Variants in ANGPT1 observed in about 807,000 individuals in gnomAD.
ANGPT1 encodes angiopoietin 1, also known as angiopoietin-1.
Under a neutral mutation model 62.2 loss-of-function variants are expected in ANGPT1, and 17 were observed. The observed-to-expected ratio is 0.27, with a 90% CI of 0.19 to 0.41. The LOEUF (loss-of-function observed/expected upper bound fraction) is 0.41, where lower values mean the gene tolerates loss of function less well. Ranked by LOEUF, ANGPT1 falls within the 10% of genes least tolerant of loss-of-function variation. ANGPT1 has a pLI of 1.00. For synonymous variants in ANGPT1, 199 were observed against 198.9 expected (o/e 1.00, Z 0.00); for missense variants, 478 against 594.9 (o/e 0.80, Z 2.04).
intron 1 of ANGPT1, among the ~76,000 whole-genome samples, chr8:107,416,097 A>T (rs192520785): frequency 6.6e-6 from 1 of 152,138 alleles, no homozygotes; most frequent in African/African-American, 2.4e-5. Flanking sequence ...CAATCAATCA[A>T]TCAATTCTGC....
In ANGPT1 at chr8:107,264,243, T is replaced by C. The variant is rs1169426289; in HGVS notation, c.1314A>G (p.Lys438=). The part of the protein sequence containing the change: ...KDADNDNCMC[K]CALMLTGGWW... ...TACCTCCTGTTAACATGAGGGCACA[T>C]TTGCACATACAGTTGTCATTATCAG... The change falls in exon 8 of 9, where the codon AAA becomes AAG. Residue 438 remains lysine (K), a synonymous_variant. Transcript: ENST00000517746. 3.7e-6 allele frequency: 6 copies of C among 1,613,728 alleles called. No homozygotes were observed. The highest frequency in any genetic ancestry group is 1.1e-5 in the South Asian group (1 of 91,022).
chr8:107,298,921 TAC>T (rs1309445074), intron 5 of ANGPT1, among the ~76,000 whole-genome samples: 3 of 151,836 alleles, frequency 2.0e-5, no homozygotes, highest in African/African-American at 7.2e-5. Context: ...ACTTCCTGTT[TAC>T]AATGTACAGT....
chr8:107,458,464 G>A (rs1192802652), intron 1 of ANGPT1, among the ~76,000 whole-genome samples: 1 of 152,076 alleles, frequency 6.6e-6, no homozygotes. Context: ...AAGAGTAGAA[G>A]TATACTAAAG....
At chr8:107,390,955 A>G (rs1256559322) in intron 1 of ANGPT1, among the ~76,000 whole-genome samples, 1 of 152,128 alleles carries the variant, frequency 6.6e-6, no homozygotes, top group African/African-American at 2.4e-5. Context: ...TCCATTATTA[A>G]ATAACTCCAT....
At chr8:107,377,924 A>G (rs970931422) in intron 1 of ANGPT1, among the ~76,000 whole-genome samples, 1 of 65,612 alleles carries the variant, frequency 1.5e-5, no homozygotes, top group African/African-American at 3.6e-5. Context: ...TATTGTCATG[A>G]AAAAAAAACA....
chr8:107,459,174 C>T (rs1812000055), intron 1 of ANGPT1, among the ~76,000 whole-genome samples: 1 of 152,100 alleles, frequency 6.6e-6, no homozygotes, highest in African/African-American at 2.4e-5. Context: ...AAGGAGTAAA[C>T]TTGTCCAAGA....
chr8:107,357,050 G>A (rs975805742), intron 1 of ANGPT1, among the ~76,000 whole-genome samples: 2 of 152,024 alleles, frequency 1.3e-5, no homozygotes, highest in Admixed American at 6.6e-5. Flanking sequence ...ACCTACATGT[G>A]TCCAGTTCTA....
At chr8:107,394,445 A>G (rs765723972) in intron 1 of ANGPT1, among the ~76,000 whole-genome samples, 3 of 152,184 alleles carry the variant, frequency 2.0e-5, no homozygotes, top group Non-Finnish European at 2.9e-5. Context: ...CAGCACAGTG[A>G]TCTATTGAAA....
At chr8:107,253,928 T>C (rs1053584059) in intron 8 of ANGPT1, among the ~76,000 whole-genome samples, 23 of 152,112 alleles carry the variant, frequency 1.5e-4, no homozygotes, top group South Asian at 4.1e-4. Context: ...TTTGGAGACA[T>C]TGAAGGAAGG....
intron 1 of ANGPT1, among the ~76,000 whole-genome samples, chr8:107,480,153 G>A (rs994365983): frequency 2.0e-5 from 3 of 152,126 alleles, no homozygotes; most frequent in Non-Finnish European, 4.4e-5. Context: ...AATGGTGACT[G>A]TTCCAGTCAC....
intron 1 of ANGPT1, among the ~76,000 whole-genome samples, chr8:107,455,302 A>G (rs1811890781): frequency 6.6e-6 from 1 of 152,098 alleles, no homozygotes; most frequent in Non-Finnish European, 1.5e-5. Flanking sequence ...TTGGTTTAAA[A>G]TCTAAAATTA....
intron 1 of ANGPT1, among the ~76,000 whole-genome samples, chr8:107,419,634 G>T (rs192415410): frequency 1.3e-5 from 2 of 152,164 alleles, no homozygotes; most frequent in East Asian, 3.9e-4. Context: ...ATCTGTCTTT[G>T]TCAGTTTTAT....
At chr8:107,408,513 T>C (rs1817195674) in intron 1 of ANGPT1, among the ~76,000 whole-genome samples, 1 of 642 alleles carries the variant, frequency 1.6e-3, no homozygotes, top group African/African-American at 6.9e-3. Context: ...AAGTAGGAGA[T>C]AGGGTTGGGA....
intron 1 of ANGPT1, among the ~76,000 whole-genome samples, chr8:107,456,012 C>T (rs1241405371): frequency 6.6e-6 from 1 of 151,970 alleles, no homozygotes. Flanking sequence ...GTGAAATGTA[C>T]CTCGGAGATC....
chr8:107,494,003 G>A (rs1309560180), intron 1 of ANGPT1, among the ~76,000 whole-genome samples: 1 of 150,272 alleles, frequency 6.7e-6, no homozygotes, highest in Non-Finnish European at 1.5e-5. Context: ...ATTCTGGATG[G>A]CAATTCATAA....
intron 4 of ANGPT1, among the ~76,000 whole-genome samples, chr8:107,309,504 A>T (rs1232443940): frequency 6.6e-6 from 1 of 152,218 alleles, no homozygotes; most frequent in Non-Finnish European, 1.5e-5. Flanking sequence ...ATCCTAATTT[A>T]TTCAAAAGAA....
intron 1 of ANGPT1, among the ~76,000 whole-genome samples, chr8:107,369,981 A>T (rs989406961): frequency 1.3e-5 from 2 of 151,742 alleles, no homozygotes; most frequent in Non-Finnish European, 2.9e-5. Flanking sequence ...CCACAAAAAC[A>T]TAAAATTTGC....
At chr8:107,490,721 A>T (rs1400894041) in intron 1 of ANGPT1, among the ~76,000 whole-genome samples, 2 of 151,916 alleles carry the variant, frequency 1.3e-5, no homozygotes. Context: ...CTCTGTTGCA[A>T]CTCCTCAATT....
chr8:107,275,535 G>T (rs778339622), intron 7 of ANGPT1, among the ~76,000 whole-genome samples: 3 of 152,154 alleles, frequency 2.0e-5, no homozygotes, highest in South Asian at 4.1e-4. Flanking sequence ...ATTTGTGATT[G>T]TAAGTGAACT....
Sources: gnomAD v4.1 joint callset for allele counts (sites outside exome capture counted in the v4.1 genomes callset) on GRCh38, gnomAD v4.1.1 for gene constraint, MANE v1.5 for transcripts, NCBI Gene and HGNC (gene_info 2026-07-23, HGNC 2026-07-21) for gene names.